The following PLCL1 variants were observed in gnomAD, a reference collection of about 807,000 sequenced individuals.
PLCL1 encodes inactive phospholipase C-like protein 1.
A neutral mutation model predicts 84.4 loss-of-function variants in PLCL1; 41 were observed. The observed-to-expected ratio is 0.49, with a 90% CI of 0.38 to 0.63. The LOEUF is 0.63. PLCL1 is among the 30% of genes least tolerant of loss of function. The pLI, the probability that PLCL1 is intolerant of heterozygous loss-of-function variation, is 0.00. For synonymous variants in PLCL1, 490 were observed against 488.3 expected (o/e 1.00, Z -0.05); for missense variants, 1,206 against 1,367.8 (o/e 0.88, Z 1.87).
intron 1 of PLCL1, among the ~76,000 whole-genome samples, chr2:198,065,139 A>C (rs1692294380): frequency 6.6e-6 from 1 of 152,154 alleles, no homozygotes; most frequent in Admixed American, 6.6e-5. Flanking sequence ...AAGGAAGGGA[A>C]ATTTTTAGCA....
intron 1 of PLCL1, among the ~76,000 whole-genome samples, chr2:197,968,675 A>G (rs1388541071): frequency 6.6e-6 from 1 of 152,224 alleles, no homozygotes; most frequent in Non-Finnish European, 1.5e-5. Flanking sequence ...TTCTCAACAA[A>G]GCAGTCTCTC....
intron 1 of PLCL1, among the ~76,000 whole-genome samples, chr2:197,978,495 G>GCAAA (rs1690034430): frequency 6.6e-6 from 1 of 151,938 alleles, no homozygotes; most frequent in Admixed American, 6.6e-5. Flanking sequence ...CAAAAACAAA[G>GCAAA]CAAACAAACA....
At chr2:197,906,220 T>C (rs540973114) in intron 1 of PLCL1, among the ~76,000 whole-genome samples, 15 of 152,200 alleles carry the variant, frequency 9.9e-5, no homozygotes, top group Non-Finnish European at 1.9e-4. Context: ...AAGTCTTTAA[T>C]CCATCTTGAG....
At chr2:198,129,843 T>G (rs563116427) in intron 5 of PLCL1, among the ~76,000 whole-genome samples, 3 of 150,578 alleles carry the variant, frequency 2.0e-5, no homozygotes, top group Non-Finnish European at 4.5e-5. Flanking sequence ...TAGCCAACTT[T>G]AATCTTTCTT....
intron 1 of PLCL1, among the ~76,000 whole-genome samples, chr2:198,048,389 G>A (rs1031970688): frequency 1.3e-5 from 2 of 152,142 alleles, no homozygotes; most frequent in African/African-American, 4.8e-5. Context: ...CTTTTATAAG[G>A]GCACTGTATT....
chr2:197,847,123 C>CGGA (rs1465261583), intron 1 of PLCL1, among the ~76,000 whole-genome samples: 7 of 152,066 alleles, frequency 4.6e-5, no homozygotes, highest in African/African-American at 2.4e-5. Context: ...AAGCACTTGA[C>CGGA]GGAGGAGTGT....
intron 1 of PLCL1, among the ~76,000 whole-genome samples, chr2:197,824,894 C>G (rs937129878): frequency 3.9e-5 from 6 of 152,042 alleles, no homozygotes; most frequent in Non-Finnish European, 5.9e-5. Flanking sequence ...TAAGTAATGA[C>G]TGGTCTTAAA....
At chr2:197,973,729 ACAGGAGTTGAGGT>A (rs1689913057) in intron 1 of PLCL1, among the ~76,000 whole-genome samples, 1 of 152,192 alleles carries the variant, frequency 6.6e-6, no homozygotes, top group Non-Finnish European at 1.5e-5. Context: ...GGGGAGCATG[ACAGGAGTTGAGGT>A]CAGGGAGGTG....
chr2:197,834,849 C>A (rs543124741), intron 1 of PLCL1, among the ~76,000 whole-genome samples: 12 of 152,164 alleles, frequency 7.9e-5, no homozygotes, highest in Admixed American at 2.6e-4. Flanking sequence ...CACATGCACA[C>A]GTATGTTTAT....
intron 1 of PLCL1, among the ~76,000 whole-genome samples, chr2:197,903,802 C>CTTTT (rs1232211481): frequency 1.9e-5 from 2 of 104,520 alleles, no homozygotes; most frequent in African/African-American, 7.3e-5. Context: ...AGTGCCCGGC[C>CTTTT]TTTTTTTTTT....
intron 5 of PLCL1, among the ~76,000 whole-genome samples, chr2:198,145,097 A>C (rs1694486800): frequency 1.3e-5 from 2 of 152,210 alleles, no homozygotes; most frequent in South Asian, 4.1e-4. Flanking sequence ...GAGTGACCAC[A>C]CTGAGCAAGC....
chr2:197,973,591 G>A (rs11675025), intron 1 of PLCL1, among the ~76,000 whole-genome samples: 74,464 of 152,018 alleles, frequency 0.49, 18,776 homozygotes, highest in Middle Eastern at 0.58. Context: ...GTGAAAAGAA[G>A]AGCAAGCCAT....
intron 5 of PLCL1, among the ~76,000 whole-genome samples, chr2:198,120,964 A>G (rs1379892501): frequency 6.6e-6 from 1 of 152,004 alleles, no homozygotes; most frequent in Non-Finnish European, 1.5e-5. Context: ...TTTTCTCCAT[A>G]TCTTCGCCAG....
At chr2:197,875,915 A>T (rs1687724680) in intron 1 of PLCL1, among the ~76,000 whole-genome samples, 1 of 152,140 alleles carries the variant, frequency 6.6e-6, no homozygotes. Context: ...GGGAGAGTAA[A>T]TGTTTGGCTG....
In PLCL1 at chr2:197,846,424, C is replaced by T. The variant is rs75671386; in HGVS notation, c.240+41085C>T. Among the ~76,000 whole-genome samples the T allele has an allele frequency of 6.8e-3, 1,028 of 152,138 alleles. 15 individuals are homozygous for T. The highest frequency in any genetic ancestry group is 0.023 in the African/African-American group (965 of 41,532). On this transcript the variant is annotated intron_variant, in intron 1 of 5. Transcript: ENST00000428675. ...AATGTTAATGGTAGTACGAGAGAAG[C>T]AAATATTAGGTTTCTGTCTGAGTAT... is the stretch of plus-strand genomic sequence containing the variant.
chr2:197,986,573 T>A (rs976962621), intron 1 of PLCL1, among the ~76,000 whole-genome samples: 1 of 152,160 alleles, frequency 6.6e-6, no homozygotes, highest in Non-Finnish European at 1.5e-5. Flanking sequence ...GGTCTTGAAC[T>A]CCTGGCCTCA....
At chr2:197,861,213 A>T (rs1687428659) in intron 1 of PLCL1, among the ~76,000 whole-genome samples, 1 of 152,142 alleles carries the variant, frequency 6.6e-6, no homozygotes, top group Non-Finnish European at 1.5e-5. Flanking sequence ...TCTGAGAAGG[A>T]GAGAGGGGAT....
Position 198,085,832 on chromosome 2 carries a change from A to G in PLCL1, c.2315A>G (p.Asn772Ser), listed in dbSNP as rs1692863823. The change falls in exon 2 of 6, where the codon AAC becomes AGC. Residue 772 changes from asparagine (N) to serine (S), a missense_variant. Coordinates refer to ENST00000428675, the MANE Select transcript of PLCL1 (RefSeq NM_006226.4). The surrounding 1 kb of genome is among the most constrained non-coding windows in gnomAD (Gnocchi z 5.3). Reference sequence around the variant, plus strand: ...CAAAGAACTAAAACTGTACAGCAAAACAGTGATAATCCTATTTTTGATGAA... The same window carrying G: ...CAAAGAACTAAAACTGTACAGCAAAGCAGTGATAATCCTATTTTTGATGAA... ...SEQRTKTVQQ[N>S]SDNPIFDETF... 1.2e-6 allele frequency: 2 copies of G among 1,614,126 alleles called. No individual in the cohort carries two copies. Among genetic ancestry groups the G allele is most frequent in the Non-Finnish European group, 1.7e-6 (2 of 1,179,998 alleles).
chr2:197,824,912 C>T (rs1374009953), intron 1 of PLCL1, among the ~76,000 whole-genome samples: 2 of 151,946 alleles, frequency 1.3e-5, no homozygotes, highest in African/African-American at 4.8e-5. Context: ...AAAATAAAAC[C>T]TTAAAATTAA....
Sources: gnomAD v4.1 joint callset for allele counts (sites outside exome capture counted in the v4.1 genomes callset) on GRCh38, gnomAD v4.1.1 for gene constraint, Gnocchi (gnomAD v3.1) non-coding constraint, MANE v1.5 for transcripts, NCBI Gene and HGNC (gene_info 2026-07-23, HGNC 2026-07-21) for gene names.